Variants in TCF7 observed in about 807,000 individuals in gnomAD.
TCF7 encodes transcription factor 7.
In TCF7, 19 loss-of-function variants were observed where a neutral mutation model predicts 46.8. That is an observed-to-expected ratio of 0.41 (90% CI 0.28 to 0.60). TCF7 has a LOEUF of 0.60. Among genes scored for constraint, TCF7 ranks in the 20% least tolerant of loss-of-function variants. The pLI is 0.35. For synonymous variants in TCF7, 245 were observed against 213.4 expected (o/e 1.15, Z -1.29); for missense variants, 547 against 504.6 (o/e 1.08, Z -0.81).
chr5:134,117,269 G>A (rs1755955911), intron 3 of TCF7, among the ~76,000 whole-genome samples: 1 of 152,240 alleles, frequency 6.6e-6, no homozygotes, highest in African/African-American at 2.4e-5. Context: ...TGTGAGATGG[G>A]GGGTGTGCCC....
chr5:134,110,501 C>T (rs1755314656), upstream of TCF7, among the ~76,000 whole-genome samples: 1 of 152,232 alleles, frequency 6.6e-6, no homozygotes, highest in Non-Finnish European at 1.5e-5. Flanking sequence ...CACGCCCCAA[C>T]AAACAGTGAA....
intron 1 of TCF7, 70 bp downstream of exon 1, chr5:134,115,225 C>T: frequency 7.9e-7 from 1 of 1,271,420 alleles, no homozygotes; most frequent in Non-Finnish European, 1.0e-6. Flanking sequence ...GCGCGCGGCC[C>T]TCGGGGTCTC....
chr5:134,138,032 TCACC>T, intron 3 of TCF7, 23 bp from the exon 4 acceptor site: 2 of 1,546,400 alleles, frequency 1.3e-6, no homozygotes, highest in Non-Finnish European at 1.8e-6. Context: ...CTCGCCACAC[TCACC>T]CACCCTCCTT....
In TCF7 at chr5:134,115,952, C is replaced by A. The variant is rs759655515; in HGVS notation, c.360C>A (p.Thr120=). ...GCACCAGCGGCATGTACAAAGAGAC[C>A]GTCTACTCCGCCTTCAATCTGCTCA... The part of the protein sequence containing the change: ...PECTSGMYKE[T]VYSAFNLLMH... Residue 120 remains threonine (T), a synonymous_variant, in exon 3 of 10, where the codon ACC becomes ACA. Coordinates refer to ENST00000342854, the MANE Select transcript of TCF7 (RefSeq NM_003202.5). 4 of 1,613,910 alleles carry A rather than the reference C, an allele frequency of 2.5e-6. No homozygotes were observed. Among genetic ancestry groups the A allele is most frequent in the Non-Finnish European group, 3.4e-6 (4 of 1,180,024 alleles).
rs746227546 is a variant in TCF7 at position 134,116,044 on chromosome 5, C to T, written c.441+11C>T. The T allele has an allele frequency of 1.2e-5, 19 of 1,609,108 alleles. No individual in the cohort carries two copies. The highest frequency in any genetic ancestry group is 1.5e-5 in the Non-Finnish European group (18 of 1,177,894). ...CCGCAGCCCCCGCTGGTAAGTGGAC[C>T]CCGCAGCCAGTGCCGCCCTGTGCTT... On this transcript the variant is annotated intron_variant, in intron 3 of 9. Transcript: ENST00000342854.
intron 3 of TCF7, among the ~76,000 whole-genome samples, chr5:134,124,869 A>G (rs1029193221): frequency 5.3e-5 from 8 of 152,218 alleles, no homozygotes; most frequent in African/African-American, 1.4e-4. Flanking sequence ...ACCATGTCTG[A>G]GCTGGTTTGG....
chr5:134,128,346 C>T (rs1289043133), intron 3 of TCF7, among the ~76,000 whole-genome samples: 1 of 152,176 alleles, frequency 6.6e-6, no homozygotes, highest in Non-Finnish European at 1.5e-5. Context: ...TGCCCAGCCT[C>T]CTCCCTCTGC....
chr5:134,123,413 TC>T (rs1285752060), intron 3 of TCF7, among the ~76,000 whole-genome samples: 1 of 152,228 alleles, frequency 6.6e-6, no homozygotes, highest in Non-Finnish European at 1.5e-5. Flanking sequence ...AAAGAGACTT[TC>T]ACTGGGAGCC....
chr5:134,143,488 C>A (rs753472775), intron 8 of TCF7, 104 bp from the exon 9 acceptor site: 26 of 1,367,530 alleles, frequency 1.9e-5, no homozygotes, highest in Non-Finnish European at 2.7e-5. Flanking sequence ...GTAGGAGGGG[C>A]CTGTACGCCC....
chr5:134,109,724 C>T (rs189447483), upstream of TCF7, among the ~76,000 whole-genome samples: 401 of 149,712 alleles, frequency 2.7e-3, 4 homozygotes, highest in African/African-American at 8.9e-3. Context: ...GAGCCGAGAT[C>T]GTGCCACTGC....
chr5:134,146,702 G>A lies in TCF7; in HGVS notation c.*399G>A, dbSNP rs1392165850. The A allele has an allele frequency of 3.3e-6, 2 of 615,096 alleles. No individual in the cohort carries two copies. The highest frequency in any genetic ancestry group is 5.7e-6 in the Non-Finnish European group (2 of 348,668). The allele number at this position is 615,096 out of a possible 1,614,324, so 38.1% of individuals were successfully genotyped here. ...GTCATCGATTCAAACTGCTCCAAGT[G>A]GTGGGAATCAGATCTGTCTTGATGT... On this transcript the variant is annotated 3_prime_UTR_variant, in exon 10 of 10. Transcript: ENST00000342854.
At chr5:134,143,475 A>G (rs1477544095) in intron 8 of TCF7, 117 bp from the exon 9 acceptor site, 3 of 1,234,358 alleles carry the variant, frequency 2.4e-6, no homozygotes, top group Admixed American at 1.7e-5. Flanking sequence ...CCAGCACCCC[A>G]AGGTAGGAGG....
Position 134,114,708 on chromosome 5 carries a change from C to T in TCF7, c.-199C>T, listed in dbSNP as rs528579416. On this transcript the variant is annotated 5_prime_UTR_variant, in exon 1 of 10. An upstream open reading frame in the 5' UTR gains an earlier in-frame stop. Coordinates refer to ENST00000342854, the MANE Select transcript of TCF7 (RefSeq NM_003202.5). ...TCGGCCGGCGGCGCCTTTGATGTTC[C>T]GACCCGCCAGCTCGCGGAGCCGCTC... 853 of 341,892 alleles carry T rather than the reference C, an allele frequency of 2.5e-3. 5 individuals are homozygous for T. The highest frequency in any genetic ancestry group is 0.018 in the African/African-American group (800 of 44,260). 21.2% of individuals were successfully genotyped at this position (341,892 alleles called of 1,614,324 possible).
chr5:134,113,593 C>A (rs998195602), upstream of TCF7, among the ~76,000 whole-genome samples: 2 of 152,248 alleles, frequency 1.3e-5, no homozygotes, highest in African/African-American at 4.8e-5. Context: ...GTGAACCCAG[C>A]ACAGAAACCT....
Position 134,138,956 on chromosome 5 carries a change from A to G in TCF7, c.553A>G (p.Arg185Gly), listed in dbSNP as rs769721881. The change falls in exon 5 of 10, where the codon AGG becomes GGG. Residue 185 changes from arginine (R) to glycine (G), a missense_variant. By Grantham distance (125) the Arg-to-Gly change is moderately radical. Coordinates refer to ENST00000342854, the MANE Select transcript of TCF7 (RefSeq NM_003202.5). ...TCAGCTTCTCTCCTCTGCAGTTCAC[A>G]GGCCTCTGCAGACCCCTGACCTCTC... Reference protein sequence around the residue: ...PADISQKQVHRPLQTPDLSGF... With the variant: ...PADISQKQVHGPLQTPDLSGF... The G allele has an allele frequency of 3.7e-6, 6 of 1,613,840 alleles. No individual in the cohort carries two copies. The South Asian group carries it at 6.6e-5, about 18-fold the overall frequency.
chr5:134,124,002 C>G (rs533429643), intron 3 of TCF7, among the ~76,000 whole-genome samples: 9 of 152,198 alleles, frequency 5.9e-5, no homozygotes, highest in African/African-American at 2.2e-4. Flanking sequence ...GACCCTCATG[C>G]TCTCTCGGGG....
intron 2 of TCF7, 112 bp downstream of exon 2, chr5:134,115,499 G>C: frequency 6.7e-7 from 1 of 1,490,336 alleles, no homozygotes; most frequent in East Asian, 2.6e-5. Flanking sequence ...CGCAGCTCAG[G>C]AGGCGGCAGA....
intron 5 of TCF7, chr5:134,139,318 C>A (rs1411197298): frequency 2.2e-6 from 1 of 458,520 alleles, no homozygotes; most frequent in Non-Finnish European, 4.0e-6. Context: ...TCCAAGAGAT[C>A]CCCTTAGATG....
chr5:134,144,178 C>G (rs550713889), intron 9 of TCF7: 1 of 160,550 alleles, frequency 6.2e-6, no homozygotes, highest in East Asian at 1.8e-4. Context: ...ATTCCTGCCT[C>G]TCTGGTAACT....
Sources: gnomAD v4.1 joint callset for allele counts (sites outside exome capture counted in the v4.1 genomes callset) on GRCh38, gnomAD v4.1.1 for gene constraint, MANE v1.5 for transcripts, NCBI Gene and HGNC (gene_info 2026-07-23, HGNC 2026-07-21) for gene names.